GAD1: variants seen among roughly 807,000 people sequenced by gnomAD.
GAD1 encodes the protein 67 kDa glutamic acid decarboxylase.
In GAD1, 35 loss-of-function variants were observed where a neutral mutation model predicts 75.2. The ratio of observed to expected loss-of-function variants is 0.47; its 90% CI spans 0.36 to 0.62. The LOEUF (loss-of-function observed/expected upper bound fraction) is 0.62. GAD1 is among the 20% of genes least tolerant of loss of function. The pLI is 0.00. For synonymous variants in GAD1, 257 were observed against 271.9 expected, an observed-to-expected ratio of 0.95 and a Z score of 0.54; for missense variants, 490 against 758.5, an observed-to-expected ratio of 0.65 and a Z score of 4.16.
rs773784571 is a variant in GAD1, at chr2:170,818,711, G to A, written c.82+38G>A. The stretch of plus-strand genomic sequence containing the variant: ...CCAATTTTCTATCAAATGAACTGCA[G>A]GGAAGATGGGGGCGCTGGGACGTCG... On this transcript the variant is annotated intron_variant, in intron 2 of 16. Coordinates refer to ENST00000358196, the MANE Select transcript of GAD1 (RefSeq NM_000817.3). This position sits in a 1 kb window ranked among gnomAD's most constrained non-coding sequence, Gnocchi z 5.9. The A allele has an allele frequency of 1.3e-6, 2 of 1,587,434 alleles. No individual in the cohort carries two copies. The highest frequency in any genetic ancestry group is 1.7e-6 in the Non-Finnish European group (2 of 1,155,604).
chr2:170,837,316 C>T (rs1036464531), intron 6 of GAD1, among the ~76,000 whole-genome samples: 1 of 152,190 alleles, frequency 6.6e-6, no homozygotes, highest in African/African-American at 2.4e-5. Context: ...TATTGCTTAA[C>T]TAAAAATTCT....
intron 10 of GAD1, 97 bp from the exon 11 acceptor site, chr2:170,847,579 G>A: frequency 2.3e-6 from 2 of 887,392 alleles, no homozygotes; most frequent in Admixed American, 1.7e-5. Flanking sequence ...GCCATTTACT[G>A]TTAGAAATAA....
At chr2:170,854,606 C>T (rs1461027876) in intron 14 of GAD1, among the ~76,000 whole-genome samples, 2 of 152,122 alleles carry the variant, frequency 1.3e-5, no homozygotes, top group Admixed American at 6.5e-5. Flanking sequence ...GGGGTTTCAC[C>T]GCGTTAGCCA....
At chr2:170,851,943 T>G (rs558953856) in intron 12 of GAD1, among the ~76,000 whole-genome samples, 2 of 152,288 alleles carry the variant, frequency 1.3e-5, no homozygotes, top group East Asian at 3.9e-4. Flanking sequence ...AGTCGAGCCT[T>G]GCTTTTAGGT....
chr2:170,852,809 A>T lies in GAD1; in HGVS notation c.1263+17A>T. ...AAGGAAAAGGTCTGTACTCCCTCCA[A>T]AGCTACACTGGGGCCCGTACGTTCT... On this transcript the variant is annotated intron_variant, in intron 13 of 16. Coordinates refer to ENST00000358196, the MANE Select transcript of GAD1 (RefSeq NM_000817.3). The T allele has an allele frequency of 6.2e-7, 1 of 1,608,086 alleles. No homozygotes were observed. The highest frequency in any genetic ancestry group is 1.1e-5 in the South Asian group (1 of 90,962).
In GAD1 at chr2:170,829,485, A is replaced by C; in HGVS notation, c.156A>C (p.Gln52His). The change falls in exon 4 of 17, where the codon CAA (glutamine) becomes CAC (histidine). Residue 52 changes from glutamine to histidine, a missense_variant. Gln to His is a conservative substitution (Grantham distance 24, BLOSUM62 0). This residue lies in a region of GAD1 where 165 missense variants were observed against 216.4 expected (regional missense o/e 0.76). Transcript: ENST00000358196. The stretch of plus-strand genomic sequence containing the variant: ...CTTCTTGTGCCATAGGCTTCTTGCA[A>C]AGGACCAACAGCCTGGAAGAGAAGA... ...KLGLKICGFL[Q>H]RTNSLEEKSR... The C allele has an allele frequency of 6.2e-7, 1 of 1,613,206 alleles. No individual in the cohort carries two copies. The highest frequency in any genetic ancestry group is 2.2e-5 in the East Asian group (1 of 44,880).
chr2:170,852,690 C>G (rs751638784), intron 12 of GAD1, 24 bp from the exon 13 acceptor site: 2 of 1,608,532 alleles, frequency 1.2e-6, no homozygotes, highest in Admixed American at 1.7e-5. Context: ...TGCACCTTCT[C>G]GAAGTCTCAT....
At chr2:170,844,407 C>CTTTTTTTTT (rs11327360) in intron 7 of GAD1, among the ~76,000 whole-genome samples, 15 of 124,510 alleles carry the variant, frequency 1.2e-4, no homozygotes, top group African/African-American at 2.9e-4. Context: ...TTTCTTTTTT[C>CTTTTTTTTT]TTTTTTTTTT....
At chr2:170,844,249 T>C (rs1240024849) in intron 7 of GAD1, 92 bp downstream of exon 7, 2 of 751,178 alleles carry the variant, frequency 2.7e-6, no homozygotes, top group Non-Finnish European at 4.7e-6. Flanking sequence ...TGCCTTAACA[T>C]TTTTTTTGGA....
intron 3 of GAD1, among the ~76,000 whole-genome samples, chr2:170,822,509 T>C (rs1182754957): frequency 6.6e-6 from 1 of 152,224 alleles, no homozygotes; most frequent in East Asian, 1.9e-4. Flanking sequence ...GCACTCTGCC[T>C]GCGCGTCCCA....
chr2:170,818,423 C>A lies in GAD1; in HGVS notation c.-63-106C>A. The A allele has an allele frequency of 1.4e-6, 1 of 699,418 alleles. No individual in the cohort carries two copies. The allele number at this position is 699,418 out of a possible 1,614,324, so 43.3% of individuals were successfully genotyped here. ...CTGCCTTTCCTCCCTCTTGTCTCTC[C>A]AGAGCCGGATCTTCAAGGGGAGCCT... On this transcript the variant is annotated intron_variant, in intron 1 of 16. Transcript: ENST00000358196. The surrounding 1 kb of genome is among the most constrained non-coding windows in gnomAD (Gnocchi z 5.9).
intron 3 of GAD1, among the ~76,000 whole-genome samples, chr2:170,823,570 A>G (rs3791869): frequency 0.38 from 58,024 of 151,948 alleles, 11,865 homozygotes; most frequent in Admixed American, 0.49. Flanking sequence ...CCCGTGGGGC[A>G]AGGCCAGGGC....
At chr2:170,849,884 A>G (rs1702712859) in intron 12 of GAD1, among the ~76,000 whole-genome samples, 1 of 152,244 alleles carries the variant, frequency 6.6e-6, no homozygotes. Flanking sequence ...CTTCTTCCTC[A>G]TTAAGCTTAC....
At chr2:170,815,240 C>A (rs761080045), upstream of GAD1, among the ~76,000 whole-genome samples, 6 of 152,200 alleles carry the variant, frequency 3.9e-5, no homozygotes, top group Non-Finnish European at 8.8e-5. Flanking sequence ...ACACCCCCAG[C>A]CTGTCCAGCC....
At chr2:170,858,146 T>C (rs946697844) in intron 15 of GAD1, among the ~76,000 whole-genome samples, 1 of 152,130 alleles carries the variant, frequency 6.6e-6, no homozygotes, top group Non-Finnish European at 1.5e-5. Context: ...ACAACAAATG[T>C]GATATCTCAA....
intron 3 of GAD1, among the ~76,000 whole-genome samples, chr2:170,824,406 CA>C: frequency 9.6e-6 from 1 of 104,050 alleles, no homozygotes; most frequent in South Asian, 3.2e-4. Flanking sequence ...CACACACACA[CA>C]CACACACACA....
At chr2:170,843,040 G>A (rs1702551585) in intron 6 of GAD1, among the ~76,000 whole-genome samples, 1 of 152,194 alleles carries the variant, frequency 6.6e-6, no homozygotes, top group South Asian at 2.1e-4. Context: ...AGGATGATCT[G>A]AGCCCAGCCT....
intron 6 of GAD1, chr2:170,842,641 C>T: frequency 6.2e-7 from 1 of 1,614,064 alleles, no homozygotes; most frequent in Middle Eastern, 1.6e-4. Context: ...TGATTGTGAC[C>T]TCCAGAGGTG....
At chr2:170,815,583 G>GCCC (rs1485672360), upstream of GAD1, among the ~76,000 whole-genome samples, 2 of 152,182 alleles carry the variant, frequency 1.3e-5, no homozygotes, top group East Asian at 3.9e-4. Flanking sequence ...AACCAGTGAG[G>GCCC]CCCCAGACGT....
Sources: allele counts gnomAD v4.1 joint callset (sites outside exome capture counted in the v4.1 genomes callset), GRCh38; gene constraint gnomAD v4.1.1; regional missense constraint gnomAD v4.1.1; non-coding constraint Gnocchi (gnomAD v3.1); transcripts MANE v1.5; gene names NCBI Gene and HGNC (gene_info 2026-07-23, HGNC 2026-07-21).